Variants in MYH8 observed in about 807,000 individuals in gnomAD.
The protein encoded by MYH8 is myosin-8.
A neutral mutation model predicts 233.2 loss-of-function variants in MYH8; 168 were observed. The ratio of observed to expected loss-of-function variants is 0.72; its 90% CI spans 0.64 to 0.82. MYH8 has a LOEUF of 0.82. Among genes scored for constraint, MYH8 ranks in the 40% least tolerant of loss-of-function variants. The pLI, the probability that MYH8 is intolerant of heterozygous loss-of-function variation, is 0.00. For synonymous variants in MYH8, 785 were observed against 850.6 expected, an observed-to-expected ratio of 0.92 and a Z score of 1.34; for missense variants, 1,995 against 2,327.8, an observed-to-expected ratio of 0.86 and a Z score of 2.94.
Position 10,415,047 on chromosome 17 carries a change from T to A in MYH8, c.805+69A>T. 6.9e-7 allele frequency: 1 copy of A among 1,446,930 alleles called. No homozygotes were observed. Among genetic ancestry groups the A allele is most frequent in the Non-Finnish European group, 9.7e-7 (1 of 1,028,200 alleles). 89.6% of individuals were successfully genotyped at this position (1,446,930 alleles called of 1,614,324 possible). On this transcript the variant is annotated intron_variant, in intron 9 of 39. Coordinates refer to ENST00000403437, the MANE Select transcript of MYH8 (RefSeq NM_002472.3). The surrounding 1 kb of genome is among the most constrained non-coding windows in gnomAD (Gnocchi z 4.1). ...TAACAGGCTTCATGCACAGCAAGGG[T>A]GGCAAAATATCCCTGCAAATGAAAT...
intron 23 of MYH8, 45 bp from the exon 24 acceptor site, chr17:10,401,496 A>T: frequency 6.2e-7 from 1 of 1,614,160 alleles, no homozygotes. Context: ...AAAGCAATTT[A>T]GTTGGTGGCA....
At chr17:10,404,264 C>T (rs570240941) in intron 22 of MYH8, 66 bp downstream of exon 22, 1 of 1,598,216 alleles carries the variant, frequency 6.3e-7, no homozygotes, top group Admixed American at 1.7e-5. Context: ...ATTTGTAAAT[C>T]CAAAGTATAT....
At chr17:10,404,268 A>G in intron 22 of MYH8, 62 bp downstream of exon 22, 2 of 1,601,310 alleles carry the variant, frequency 1.2e-6, no homozygotes, top group South Asian at 1.1e-5. Context: ...GTAAATCCAA[A>G]GTATATGTGT....
At chr17:10,398,305 C>T in intron 30 of MYH8, 139 bp downstream of exon 30, 1 of 1,239,810 alleles carries the variant, frequency 8.1e-7, no homozygotes, top group Non-Finnish European at 1.2e-6. Context: ...AGCTGATATA[C>T]ATGCATACAT....
At chr17:10,410,473 A>G (rs1567687787) in intron 15 of MYH8, among the ~76,000 whole-genome samples, 1 of 152,346 alleles carries the variant, frequency 6.6e-6, no homozygotes, top group East Asian at 1.9e-4. Flanking sequence ...TAATGGAGAT[A>G]GATCAAGAAC....
intron 18 of MYH8, 40 bp from the exon 19 acceptor site, chr17:10,406,847 T>A: frequency 6.2e-7 from 1 of 1,613,036 alleles, no homozygotes. Context: ...GGCATTTAAC[T>A]TTCAAACCTG....
intron 20 of MYH8, 27 bp from the exon 21 acceptor site, chr17:10,406,204 T>C (rs373212006): frequency 4.3e-6 from 7 of 1,614,078 alleles, no homozygotes; most frequent in Non-Finnish European, 5.9e-6. Context: ...TCACAAATCA[T>C]CTCCATACTG....
At position 10,400,585 on chromosome 17, in the gene MYH8, G is replaced by T; in HGVS notation, c.3540C>A (p.Asp1180Glu). The T allele has an allele frequency of 6.2e-7, 1 of 1,614,180 alleles. No individual in the cohort carries two copies. Among genetic ancestry groups the T allele is most frequent in the Non-Finnish European group, 8.5e-7 (1 of 1,180,036 alleles). Residue 1180 changes from aspartate (D) to glutamate (E), a missense_variant, in exon 27 of 40, where the codon GAC (aspartate) becomes GAA (glutamate). Asp to Glu is a conservative substitution (Grantham distance 45). This residue lies in a region of MYH8 where 1,498 missense variants were observed against 1,680.9 expected (regional missense o/e 0.89). Coordinates refer to ENST00000403437, the MANE Select transcript of MYH8 (RefSeq NM_002472.3). The surrounding 1 kb of genome is among the most constrained non-coding windows in gnomAD (Gnocchi z 4.0). ...CATGCTGCAGGGTGGCCTCCTCCAG[G>T]TCCCTGCGCAGTTTCTGAAACTCAG... ...REAEFQKLRR[D>E]LEEATLQHEA...
At chr17:10,406,602 A>G in intron 19 of MYH8, 88 bp downstream of exon 19, 1 of 1,371,202 alleles carries the variant, frequency 7.3e-7, no homozygotes. Context: ...GTATTATCCT[A>G]CCACCACAAG....
rs367738995 is a variant in MYH8, at chr17:10,400,967, C to T, written c.3255-8G>A. The T allele has an allele frequency of 9.1e-5, 147 of 1,613,400 alleles. No individual in the cohort carries two copies. Among genetic ancestry groups the T allele is most frequent in the Middle Eastern group, 1.6e-4 (1 of 6,082 alleles). On this transcript the variant is annotated splice_polypyrimidine_tract_variant and splice_region_variant and intron_variant, in intron 25 of 39. Transcript: ENST00000403437. The surrounding 1 kb of genome is among the most constrained non-coding windows in gnomAD (Gnocchi z 4.0). ...CTGATTTCAAATTCTTTCCTTTAGA[C>T]AGAAGAGCAAGACGTATTAATACTC...
Position 10,394,341 on chromosome 17 carries a change from A to G in MYH8, c.5074T>C (p.Trp1692Arg), listed in dbSNP as rs8069834. 906,992 of 1,613,742 alleles carry G rather than the reference A, an allele frequency of 0.56. 263,923 individuals are homozygous for G. Among genetic ancestry groups the G allele is most frequent in the African/African-American group, 0.73 (54,523 of 74,862 alleles). The change falls in exon 35 of 40, where the codon TGG becomes CGG. Residue 1692 changes from tryptophan (W) to arginine (R), a missense_variant. Around this residue, in one of 3 missense-constraint regions of MYH8, gnomAD observed 1,498 missense variants for 1,680.9 expected, o/e 0.89. Coordinates refer to ENST00000403437, the MANE Select transcript of MYH8 (RefSeq NM_002472.3). ...NLLQAEIEEL[W>R]ATLEQTERSR... is the part of the protein sequence containing the mutation. ...CTCTCTGTCTGTTCCAGAGTGGCCC[A>G]CAGCTCCTCGATCTCAGCCTGCAGC... is the stretch of plus-strand genomic sequence containing the variant.
At chr17:10,410,608 C>T (rs754603846) in intron 15 of MYH8, among the ~76,000 whole-genome samples, 169 bp downstream of exon 15, 4 of 152,140 alleles carry the variant, frequency 2.6e-5, no homozygotes, top group African/African-American at 4.8e-5. Context: ...TAAACACTGT[C>T]AGATCTTTCT....
chr17:10,397,503 T>C (rs552792616), intron 30 of MYH8, among the ~76,000 whole-genome samples: 3 of 152,186 alleles, frequency 2.0e-5, no homozygotes, highest in Non-Finnish European at 4.4e-5. Flanking sequence ...TGGTGAAGAG[T>C]TGGAAACAAG....
rs202177216 is a variant in MYH8, at chr17:10,400,453, C to A, written c.3672G>T (p.Lys1224Asn). ...CATCAGTCTCCATCTTCAGCTCACT[C>A]TTCTCCTTCTCCAGCTTCTGTTTGA... ...QRVKQKLEKE[K>N]SELKMETDDL... Residue 1224 changes from lysine to asparagine, a missense_variant, in exon 27 of 40, where the codon AAG becomes AAT. Physicochemically the swap from Lys to Asn is moderately conservative, Grantham distance 94. Coordinates refer to ENST00000403437, the MANE Select transcript of MYH8 (RefSeq NM_002472.3). The surrounding 1 kb of genome is among the most constrained non-coding windows in gnomAD (Gnocchi z 4.0). 2.0e-5 allele frequency: 32 copies of A among 1,613,932 alleles called. No homozygotes were observed. Among genetic ancestry groups the A allele is most frequent in the Middle Eastern group, 1.6e-4 (1 of 6,080 alleles).
At chr17:10,407,118 GT>G in intron 17 of MYH8, 139 bp from the exon 18 acceptor site, 1 of 729,320 alleles carries the variant, frequency 1.4e-6, no homozygotes, top group Non-Finnish European at 2.4e-6. Flanking sequence ...TATTTTGAGG[GT>G]CTCAAGAGTT....
intron 22 of MYH8, among the ~76,000 whole-genome samples, chr17:10,403,785 T>G (rs1018857772): frequency 2.0e-5 from 3 of 152,096 alleles, no homozygotes; most frequent in African/African-American, 7.2e-5. Context: ...CAACTGCCCC[T>G]CCTTCCTGCA....
At chr17:10,393,698 G>A (rs192186236) in intron 35 of MYH8, among the ~76,000 whole-genome samples, 310 of 152,238 alleles carry the variant, frequency 2.0e-3, no homozygotes, top group African/African-American at 7.1e-3. Flanking sequence ...AAGCAATATC[G>A]TCTCAACAGG....
At chr17:10,390,715 C>A in intron 39 of MYH8, 112 bp from the exon 40 acceptor site, 1 of 1,206,850 alleles carries the variant, frequency 8.3e-7, no homozygotes, top group Non-Finnish European at 1.2e-6. Context: ...GTCTATTTAG[C>A]ATATCCGACT....
chr17:10,417,982 A>G lies in MYH8; in HGVS notation c.511+663T>C, dbSNP rs1212749117. 6.6e-6 allele frequency among the ~76,000 whole-genome samples: 1 copy of G among 152,232 alleles called. No individual in the cohort carries two copies. Among genetic ancestry groups the G allele is most frequent in the Non-Finnish European group, 1.5e-5 (1 of 68,038 alleles). ...GGCAGTGCATTTGGTGTGTGAAGATAAAAGGTTTTAATGCTGTATTTGGGC... is the reference window on the plus strand; with the variant it reads ...GGCAGTGCATTTGGTGTGTGAAGATGAAAGGTTTTAATGCTGTATTTGGGC... On this transcript the variant is annotated intron_variant, in intron 5 of 39. Transcript: ENST00000403437. The surrounding 1 kb of genome is among the most constrained non-coding windows in gnomAD (Gnocchi z 4.1).
Sources: allele counts gnomAD v4.1 joint callset (sites outside exome capture counted in the v4.1 genomes callset), GRCh38; gene constraint gnomAD v4.1.1; regional missense constraint gnomAD v4.1.1; non-coding constraint Gnocchi (gnomAD v3.1); transcripts MANE v1.5; gene names NCBI Gene and HGNC (gene_info 2026-07-23, HGNC 2026-07-21).